The following GTF2IRD1 variants were observed in gnomAD, a reference collection of about 807,000 sequenced individuals.
GTF2IRD1 encodes GTF2I repeat domain containing 1.
Under a neutral mutation model 113.2 loss-of-function variants are expected in GTF2IRD1, and 26 were observed. The observed-to-expected ratio is 0.23, with a 90% CI of 0.17 to 0.32. The LOEUF is 0.32. Ranked by LOEUF, GTF2IRD1 falls within the 10% of genes least tolerant of loss-of-function variation. The pLI is 1.00. For missense variants in GTF2IRD1, 864 were observed against 1,280.8 expected (o/e 0.67, Z 4.97); for synonymous variants, 484 against 529.1 (o/e 0.91, Z 1.17).
At chr7:74,595,810 C>A (rs1342769525) in intron 25 of GTF2IRD1, among the ~76,000 whole-genome samples, 1 of 152,126 alleles carries the variant, frequency 6.6e-6, no homozygotes, top group African/African-American at 2.4e-5. Flanking sequence ...ATCATGGAGT[C>A]CTCCTGGGTA....
At chr7:74,558,769 A>G (rs1238998207) in intron 20 of GTF2IRD1, 92 bp from the exon 21 acceptor site, 8 of 942,988 alleles carry the variant, frequency 8.5e-6, no homozygotes, top group Non-Finnish European at 1.1e-5. Context: ...TCCTGCACGC[A>G]TGTCTTTCCA....
chr7:74,583,047 A>G (rs1554366595), intron 22 of GTF2IRD1, among the ~76,000 whole-genome samples: 1 of 152,162 alleles, frequency 6.6e-6, no homozygotes, highest in African/African-American at 2.4e-5. Flanking sequence ...GGAAAATGCA[A>G]GAACAGCTAC....
At chr7:74,474,530 A>T (rs1794295664) in intron 1 of GTF2IRD1, among the ~76,000 whole-genome samples, 1 of 152,198 alleles carries the variant, frequency 6.6e-6, no homozygotes, top group African/African-American at 2.4e-5. Flanking sequence ...GGGACATTGT[A>T]GGGGTGCAGG....
intron 11 of GTF2IRD1, among the ~76,000 whole-genome samples, 172 bp downstream of exon 11, chr7:74,536,447 C>T (rs1448545632): frequency 6.6e-6 from 1 of 152,166 alleles, no homozygotes; most frequent in African/African-American, 2.4e-5. Flanking sequence ...GCCTAGAGAA[C>T]TCTCACATAG....
intron 3 of GTF2IRD1, 76 bp downstream of exon 3, chr7:74,513,047 C>A: frequency 7.0e-7 from 1 of 1,420,468 alleles, no homozygotes; most frequent in Non-Finnish European, 9.7e-7. Flanking sequence ...CTCTGGGTCC[C>A]CAACCCTGTC....
At chr7:74,556,621 T>G (rs1253453419) in intron 19 of GTF2IRD1, among the ~76,000 whole-genome samples, 2 of 99,646 alleles carry the variant, frequency 2.0e-5, no homozygotes, top group African/African-American at 3.9e-5. Flanking sequence ...TGCACCCAGC[T>G]TTTTTTTTTT....
chr7:74,535,012 C>T, intron 9 of GTF2IRD1, 101 bp from the exon 10 acceptor site: 1 of 943,716 alleles, frequency 1.1e-6, no homozygotes, highest in Non-Finnish European at 1.8e-6. Flanking sequence ...GCATGTGTCA[C>T]TCAGTGACCA....
At chr7:74,580,805 A>C (rs1801371390) in intron 22 of GTF2IRD1, among the ~76,000 whole-genome samples, 1 of 152,174 alleles carries the variant, frequency 6.6e-6, no homozygotes, top group Non-Finnish European at 1.5e-5. Context: ...TTCTTTCAGC[A>C]GGACTTTCTG....
chr7:74,591,064 G>A, intron 24 of GTF2IRD1, 47 bp downstream of exon 24: 1 of 1,421,606 alleles, frequency 7.0e-7, no homozygotes, highest in East Asian at 2.3e-5. Flanking sequence ...GCGAGGCCAT[G>A]GGGAGGGTGA....
chr7:74,519,261 T>C (rs1554345311), intron 5 of GTF2IRD1, 148 bp from the exon 6 acceptor site: 1 of 560,992 alleles, frequency 1.8e-6, no homozygotes, highest in Non-Finnish European at 3.0e-6. Context: ...GCATCCCCAC[T>C]TGTGAAGTGG....
intron 8 of GTF2IRD1, among the ~76,000 whole-genome samples, chr7:74,528,713 GGA>G (rs1797747506): frequency 2.4e-5 from 2 of 84,794 alleles, no homozygotes; most frequent in East Asian, 8.8e-4. Context: ...ATGGGTGGAT[GGA>G]TGGATGGATG....
intron 1 of GTF2IRD1, among the ~76,000 whole-genome samples, chr7:74,491,713 T>C (rs1379657281): frequency 2.6e-5 from 4 of 152,192 alleles, no homozygotes; most frequent in African/African-American, 9.6e-5. Context: ...CACATTTTCT[T>C]TACCCAGTCT....
At chr7:74,569,587 A>G (rs1554361965) in intron 22 of GTF2IRD1, among the ~76,000 whole-genome samples, 1 of 152,174 alleles carries the variant, frequency 6.6e-6, no homozygotes, top group Non-Finnish European at 1.5e-5. Context: ...CAGTCATTGT[A>G]ATGATACGAT....
chr7:74,503,329 G>A (rs1796133495), intron 1 of GTF2IRD1, among the ~76,000 whole-genome samples: 1 of 152,168 alleles, frequency 6.6e-6, no homozygotes, highest in African/African-American at 2.4e-5. Context: ...CGGGAGCTGG[G>A]TGATGGGACA....
At chr7:74,472,700 C>T (rs148733161) in intron 1 of GTF2IRD1, among the ~76,000 whole-genome samples, 22 of 152,268 alleles carry the variant, frequency 1.4e-4, no homozygotes, top group Admixed American at 1.0e-3. Flanking sequence ...TGCAGTGAGC[C>T]GAGATCGCAC....
At position 74,523,261 on chromosome 7, in the gene GTF2IRD1, C is replaced by T. The variant is rs1797395956; in HGVS notation, c.1007-810C>T. 2.6e-5 allele frequency among the ~76,000 whole-genome samples: 4 copies of T among 151,914 alleles called. No individual in the cohort carries two copies. In the South Asian group the frequency reaches 6.2e-4, roughly 24 times the overall value. ...AAAAACACAGCCAGGAGTGTTGGCT[C>T]ATACCTGTCATCCCAGCTGCCTGGG... On this transcript the variant is annotated intron_variant, in intron 7 of 26. Coordinates refer to ENST00000424337, the MANE Select transcript of GTF2IRD1 (RefSeq NM_005685.4).
At chr7:74,601,499 G>A (rs1802768965) in intron 26 of GTF2IRD1, 10 of 1,432,926 alleles carry the variant, frequency 7.0e-6, no homozygotes, top group Non-Finnish European at 8.2e-6. Context: ...GCTGGCGGGT[G>A]CAGTGGCTCA....
chr7:74,591,864 C>T (rs1802083380), intron 24 of GTF2IRD1, among the ~76,000 whole-genome samples: 1 of 151,642 alleles, frequency 6.6e-6, no homozygotes, highest in Non-Finnish European at 1.5e-5. Context: ...AAGTGATCCT[C>T]CCACCTCGGC....
At chr7:74,502,804 G>T (rs1796097249) in intron 1 of GTF2IRD1, among the ~76,000 whole-genome samples, 1 of 152,148 alleles carries the variant, frequency 6.6e-6, no homozygotes, top group Non-Finnish European at 1.5e-5. Context: ...CTGGAATAGG[G>T]AACATCCCTA....
Sources: gnomAD v4.1 joint callset for allele counts (sites outside exome capture counted in the v4.1 genomes callset) on GRCh38, gnomAD v4.1.1 for gene constraint, MANE v1.5 for transcripts, NCBI Gene and HGNC (gene_info 2026-07-23, HGNC 2026-07-21) for gene names.